Variants in EYS observed in about 807,000 individuals in gnomAD.
The protein encoded by EYS is protein eyes shut homolog.
A neutral mutation model predicts 282.1 loss-of-function variants in EYS; 250 were observed. The observed-to-expected ratio is 0.89, with a 90% CI of 0.80 to 0.98. EYS has a LOEUF of 0.98. Among genes scored for constraint, EYS ranks in the 50% least tolerant of loss-of-function variants. EYS has a pLI of 0.00. For synonymous variants in EYS, 1,355 were observed against 1,282.9 expected, an observed-to-expected ratio of 1.06 and a Z score of -1.20; for missense variants, 4,016 against 3,709.0, an observed-to-expected ratio of 1.08 and a Z score of -2.15.
chr6:65,156,665 C>T (rs55739054), intron 12 of EYS, among the ~76,000 whole-genome samples: 38,676 of 150,902 alleles, frequency 0.26, 5,278 homozygotes, highest in African/African-American at 0.34. Flanking sequence ...ATGAGGATGG[C>T]ATTCCACATA....
At chr6:64,659,970 C>G (rs575131308) in intron 22 of EYS, among the ~76,000 whole-genome samples, 1 of 152,072 alleles carries the variant, frequency 6.6e-6, no homozygotes, top group African/African-American at 2.4e-5. Context: ...TGATGAATAT[C>G]GAGGCAAAAA....
intron 22 of EYS, among the ~76,000 whole-genome samples, chr6:64,773,655 A>C (rs1773591655): frequency 6.6e-6 from 1 of 151,852 alleles, no homozygotes; most frequent in Admixed American, 6.6e-5. Flanking sequence ...TGGACTCCTT[A>C]ATAATAGTCT....
chr6:64,450,841 G>A (rs1049011897), intron 26 of EYS, among the ~76,000 whole-genome samples: 1 of 152,108 alleles, frequency 6.6e-6, no homozygotes, highest in African/African-American at 2.4e-5. Flanking sequence ...CAGAATCTCA[G>A]GGACACATTC....
chr6:63,791,930 G>A (rs971288308), intron 37 of EYS, among the ~76,000 whole-genome samples: 2 of 152,080 alleles, frequency 1.3e-5, no homozygotes, highest in Admixed American at 6.6e-5. Flanking sequence ...TGACAGAGGG[G>A]TCAGAAAAAT....
At chr6:64,353,248 T>A (rs1771707102) in intron 29 of EYS, among the ~76,000 whole-genome samples, 1 of 151,552 alleles carries the variant, frequency 6.6e-6, no homozygotes, top group Non-Finnish European at 1.5e-5. Flanking sequence ...TCTGTAAAAC[T>A]CAGTTGGAAA....
chr6:64,635,532 A>G (rs947283971), intron 22 of EYS, among the ~76,000 whole-genome samples: 6 of 152,176 alleles, frequency 3.9e-5, no homozygotes, highest in Admixed American at 1.3e-4. Context: ...TTTAGCATGA[A>G]GTAGTTGTTG....
chr6:64,863,813 C>T (rs1489641360), intron 19 of EYS, among the ~76,000 whole-genome samples: 2 of 152,138 alleles, frequency 1.3e-5, no homozygotes, highest in Admixed American at 1.3e-4. Flanking sequence ...GGTTTGCATT[C>T]AACCAAAAAT....
intron 22 of EYS, among the ~76,000 whole-genome samples, chr6:64,746,142 A>G (rs7766339): frequency 0.68 from 102,957 of 151,832 alleles, 37,194 homozygotes; most frequent in Non-Finnish European, 0.8. Context: ...TACAAGGGCA[A>G]TTAAATTTCA....
chr6:64,683,087 G>T lies in EYS; in HGVS notation c.3444-56842C>A, dbSNP rs551689667. Among the ~76,000 whole-genome samples the T allele has an allele frequency of 9.2e-5, 14 of 152,324 alleles. 2 individuals carry two copies. The highest frequency in any genetic ancestry group is 3.1e-4 in the African/African-American group (13 of 41,578). On this transcript the variant is annotated intron_variant, in intron 22 of 42. Coordinates refer to ENST00000503581, the MANE Select transcript of EYS (RefSeq NM_001142800.2). ...GAGCCCAGCAGAGACTTTAGCTGCT[G>T]TACACTCTAGGGAAGGCAGAGTTTA...
At chr6:65,705,956 A>T (rs1769863858) in intron 1 of EYS, among the ~76,000 whole-genome samples, 1 of 152,096 alleles carries the variant, frequency 6.6e-6, no homozygotes, top group East Asian at 1.9e-4. Flanking sequence ...TATAAACTGA[A>T]TCATTATTAC....
chr6:64,761,614 G>A (rs371945253), intron 22 of EYS, among the ~76,000 whole-genome samples: 3 of 152,054 alleles, frequency 2.0e-5, no homozygotes, highest in East Asian at 1.9e-4. Flanking sequence ...ATGCCACCAT[G>A]CCCAGCTAAT....
At chr6:65,266,887 C>CAT (rs10571039) in intron 12 of EYS, among the ~76,000 whole-genome samples, 26,543 of 139,320 alleles carry the variant, frequency 0.19, 2,606 homozygotes, top group South Asian at 0.28. Flanking sequence ...AATGTGTGTG[C>CAT]ATATATATAT....
At chr6:65,402,842 C>T (rs1408208553) in intron 6 of EYS, among the ~76,000 whole-genome samples, 1 of 152,034 alleles carries the variant, frequency 6.6e-6, no homozygotes, top group African/African-American at 2.4e-5. Flanking sequence ...ACTATATTCC[C>T]TTCCTCTTGA....
chr6:65,143,366 C>A (rs1291897086), intron 12 of EYS, among the ~76,000 whole-genome samples: 8 of 151,294 alleles, frequency 5.3e-5, no homozygotes, highest in African/African-American at 1.9e-4. Context: ...AAACAGTGGT[C>A]ATCAATGGGA....
chr6:65,516,044 T>C (rs1767120633), intron 2 of EYS, among the ~76,000 whole-genome samples: 1 of 151,538 alleles, frequency 6.6e-6, no homozygotes, highest in African/African-American at 2.4e-5. Flanking sequence ...GAAAAATATT[T>C]ATAGAATAGC....
intron 28 of EYS, among the ~76,000 whole-genome samples, chr6:64,422,489 C>G (rs558568986): frequency 2.0e-5 from 3 of 152,276 alleles, no homozygotes; most frequent in African/African-American, 7.2e-5. Flanking sequence ...ACTTTAAAAC[C>G]TTATGGTACT....
At chr6:64,102,752 A>C (rs1772874834) in intron 31 of EYS, among the ~76,000 whole-genome samples, 2 of 152,170 alleles carry the variant, frequency 1.3e-5, no homozygotes, top group African/African-American at 4.8e-5. Context: ...GATTATGATT[A>C]TTTTGATTGT....
At chr6:65,459,356 A>G (rs1355871328) in intron 5 of EYS, among the ~76,000 whole-genome samples, 1 of 152,108 alleles carries the variant, frequency 6.6e-6, no homozygotes, top group African/African-American at 2.4e-5. Context: ...TTAATTCTGA[A>G]TAATTGCTGT....
intron 2 of EYS, among the ~76,000 whole-genome samples, chr6:65,502,418 A>G (rs1766487607): frequency 6.6e-6 from 1 of 151,710 alleles, no homozygotes. Context: ...AGAGTTTTAA[A>G]TTTACAAAGT....
Sources: gnomAD v4.1 joint callset for allele counts (sites outside exome capture counted in the v4.1 genomes callset) on GRCh38, gnomAD v4.1.1 for gene constraint, MANE v1.5 for transcripts, NCBI Gene and HGNC (gene_info 2026-07-23, HGNC 2026-07-21) for gene names.